Variants in GTF3C1 observed in about 807,000 individuals in gnomAD.
GTF3C1 encodes the protein general transcription factor IIIC subunit 1, also known as general transcription factor 3C polypeptide 1.
In GTF3C1, 57 loss-of-function variants were observed where a neutral mutation model predicts 226.7. The observed-to-expected ratio is 0.25, with a 90% CI of 0.20 to 0.31. The LOEUF is 0.31. Ranked by LOEUF, GTF3C1 falls within the 10% of genes least tolerant of loss-of-function variation. GTF3C1 has a pLI of 1.00. For synonymous variants in GTF3C1, 1,090 were observed against 1,084.8 expected (o/e 1.00, Z -0.09); for missense variants, 2,217 against 2,776.1 (o/e 0.80, Z 4.53).
intron 6 of GTF3C1, among the ~76,000 whole-genome samples, chr16:27,522,213 C>G (rs776374822): frequency 5.9e-5 from 9 of 152,236 alleles, no homozygotes; most frequent in Non-Finnish European, 8.8e-5. Context: ...CATCACCAAT[C>G]AATTCTAGAA....
At chr16:27,528,477 T>A (rs2088866097) in intron 6 of GTF3C1, 121 bp downstream of exon 6, 1 of 803,168 alleles carries the variant, frequency 1.2e-6, no homozygotes, top group African/African-American at 1.7e-5. Flanking sequence ...CAGAGTTAAA[T>A]AAATATGTGA....
In GTF3C1 at chr16:27,545,323, G is replaced by C. The variant is rs1313445777; in HGVS notation, c.422C>G (p.Ala141Gly). ...GGTGCAAAATAGTTACCTGTCAAAG[G>C]CTTCCACCATTGTACAGCGAGGCTG... ...SLQPRCTMVE[A>G]FDRWGKKLII... Residue 141 changes from alanine (A) to glycine (G), a missense_variant, in exon 2 of 37, where the codon GCC becomes GGC. Ala to Gly is a moderately conservative substitution (Grantham distance 60, BLOSUM62 0). Coordinates refer to ENST00000356183, the MANE Select transcript of GTF3C1 (RefSeq NM_001520.4). The C allele has an allele frequency of 6.8e-6, 11 of 1,610,786 alleles. No individual in the cohort carries two copies. The highest frequency in any genetic ancestry group is 2.2e-5 in the South Asian group (2 of 91,028).
chr16:27,470,638 A>G lies in GTF3C1; in HGVS notation c.4527-243T>C. 2.0e-6 allele frequency: 1 copy of G among 511,388 alleles called. No homozygotes were observed. Among genetic ancestry groups the G allele is most frequent in the Non-Finnish European group, 3.5e-6 (1 of 283,622 alleles). 31.7% of individuals were successfully genotyped at this position (511,388 alleles called of 1,614,324 possible). ...AGAGTCCTGTCTCCTCATCTAATTC[A>G]ATGTGGCCTCACCTGGCGCTCCAGG... On this transcript the variant is annotated intron_variant, in intron 30 of 36. Transcript: ENST00000356183. The surrounding 1 kb of genome is among the most constrained non-coding windows in gnomAD (Gnocchi z 4.9).
chr16:27,464,391 TCACCGA>T lies in GTF3C1; in HGVS notation c.5795_5800del (p.Val1932_Gly1933del). 1 of 1,594,776 alleles carries T rather than the reference TCACCGA, an allele frequency of 6.3e-7. No individual in the cohort carries two copies. ...CTGCTCTTGGCCTGGGGAACTGAAC[TCACCGA>T]CACCCTCTTGGTCTTCCTGTGCTGC... On this transcript the variant is annotated inframe_deletion, in exon 34 of 37. Coordinates refer to ENST00000356183, the MANE Select transcript of GTF3C1 (RefSeq NM_001520.4).
chr16:27,546,009 C>T (rs1011560190), intron 1 of GTF3C1, among the ~76,000 whole-genome samples: 9 of 152,008 alleles, frequency 5.9e-5, no homozygotes, highest in South Asian at 4.1e-4. Flanking sequence ...CCACCACGCC[C>T]GGCTAATTTT....
At chr16:27,516,113 A>C (rs1200671639) in intron 6 of GTF3C1, among the ~76,000 whole-genome samples, 1 of 152,204 alleles carries the variant, frequency 6.6e-6, no homozygotes, top group African/African-American at 2.4e-5. Context: ...TACAAACATC[A>C]GTGGCATTCA....
rs768116676 is a variant in GTF3C1 at position 27,497,825 on chromosome 16, C to T, written c.2166-4G>A. On this transcript the variant is annotated splice_region_variant and splice_polypyrimidine_tract_variant and intron_variant, in intron 13 of 36. Transcript: ENST00000356183. ...TGGAGGCTGGGAAGTTTTAACCCTG[C>T]AGTTCAAATAAACATGCAATAATGT... is the stretch of plus-strand genomic sequence containing the variant. The T allele has an allele frequency of 2.7e-4, 429 of 1,607,456 alleles. No homozygotes were observed. Among genetic ancestry groups the T allele is most frequent in the Non-Finnish European group, 3.4e-4 (398 of 1,176,320 alleles).
chr16:27,530,241 TAC>T, intron 5 of GTF3C1, among the ~76,000 whole-genome samples: 1 of 152,244 alleles, frequency 6.6e-6, no homozygotes, highest in South Asian at 2.1e-4. Flanking sequence ...ATCAAAACAA[TAC>T]AGATGACTCA....
chr16:27,526,265 G>A (rs2088833206), intron 6 of GTF3C1, among the ~76,000 whole-genome samples: 1 of 152,220 alleles, frequency 6.6e-6, no homozygotes, highest in Non-Finnish European at 1.5e-5. Context: ...AGCTACTGGA[G>A]GATGCACATC....
In GTF3C1 at chr16:27,461,397, G is replaced by A. The variant is rs151280922; in HGVS notation, c.6283C>T (p.Arg2095Cys). 3.7e-6 allele frequency: 6 copies of A among 1,613,770 alleles called. No homozygotes were observed. The highest frequency in any genetic ancestry group is 2.2e-5 in the East Asian group (1 of 44,864). Residue 2095 changes from arginine (R) to cysteine (C), a missense_variant, in exon 37 of 37, where the codon CGT (arginine) becomes TGT (cysteine). Arg to Cys is a radical substitution (Grantham distance 180). Transcript: ENST00000356183. The surrounding 1 kb of genome is among the most constrained non-coding windows in gnomAD (Gnocchi z 5.3). ...CAGTTGACCTCGTGGGGGAACACAC[G>A]GCCCAGCCGGAGGGTACAGTCCAAG... is the stretch of plus-strand genomic sequence containing the variant. ...PTLDCTLRLG[R>C]VFPHEVNWNK... is the part of the protein sequence containing the mutation.
At chr16:27,491,594 G>C (rs780484572) in intron 19 of GTF3C1, among the ~76,000 whole-genome samples, 26 of 152,088 alleles carry the variant, frequency 1.7e-4, no homozygotes, top group Non-Finnish European at 3.7e-4. Context: ...GTGTGGGAGG[G>C]AGGGTCCTTC....
Position 27,470,872 on chromosome 16 carries a change from G to A in GTF3C1, c.4527-477C>T, listed in dbSNP as rs2087856859. Among the ~76,000 whole-genome samples, 1 of 152,262 alleles carries A rather than the reference G, an allele frequency of 6.6e-6. No individual in the cohort carries two copies. The highest frequency in any genetic ancestry group is 6.5e-5 in the Admixed American group (1 of 15,284). ...TTCCATGACCCTGCTACCAGGGTCA[G>A]AGGGAGGGACCAAAAAGGCCTTCCT... On this transcript the variant is annotated intron_variant, in intron 30 of 36. Coordinates refer to ENST00000356183, the MANE Select transcript of GTF3C1 (RefSeq NM_001520.4). The surrounding 1 kb of genome is among the most constrained non-coding windows in gnomAD (Gnocchi z 4.9).
chr16:27,527,066 G>A (rs1460831805), intron 6 of GTF3C1, among the ~76,000 whole-genome samples: 2 of 152,222 alleles, frequency 1.3e-5, no homozygotes, highest in Non-Finnish European at 2.9e-5. Context: ...AATTAGCCCA[G>A]CATGGTAGGG....
chr16:27,497,512 C>T, intron 14 of GTF3C1, 125 bp downstream of exon 14: 1 of 718,890 alleles, frequency 1.4e-6, no homozygotes, highest in South Asian at 1.8e-5. Flanking sequence ...ATCCAGCCCA[C>T]AGCTCAGACG....
chr16:27,464,261 C>A (rs760438020), intron 34 of GTF3C1, 59 bp downstream of exon 34: 9 of 1,058,088 alleles, frequency 8.5e-6, no homozygotes, highest in East Asian at 6.4e-5. Context: ...CCCATCAGGG[C>A]GGAGGGGAGG....
intron 27 of GTF3C1, chr16:27,480,807 A>C (rs1596621667): frequency 2.4e-6 from 1 of 418,374 alleles, no homozygotes; most frequent in East Asian, 4.4e-5. Context: ...ATTTCCTCAA[A>C]GGTAAAGTAA....
Position 27,463,301 on chromosome 16 carries a change from C to T in GTF3C1, c.5924+240G>A. ...ACCAGGCATGGTTCTCCACCAGCGCCCTGGGCATTCTGGAAGCGCAGCCCT... is the reference window on the plus strand; with the variant it reads ...ACCAGGCATGGTTCTCCACCAGCGCTCTGGGCATTCTGGAAGCGCAGCCCT... On this transcript the variant is annotated intron_variant, in intron 35 of 36. Coordinates refer to ENST00000356183, the MANE Select transcript of GTF3C1 (RefSeq NM_001520.4). The surrounding 1 kb of genome is among the most constrained non-coding windows in gnomAD (Gnocchi z 4.9). The T allele has an allele frequency of 3.6e-6, 2 of 553,692 alleles. No individual in the cohort carries two copies. Among genetic ancestry groups the T allele is most frequent in the Non-Finnish European group, 6.4e-6 (2 of 313,514 alleles). 34.3% of individuals were successfully genotyped at this position (553,692 alleles called of 1,614,324 possible).
chr16:27,464,644 G>A lies in GTF3C1; in HGVS notation c.5548C>T (p.Gln1850Ter). Residue 1850 changes from glutamine to a stop codon, truncating the protein, a stop_gained, in exon 34 of 37, where the codon CAG (glutamine) becomes TAG (stop). Coordinates refer to ENST00000356183, the MANE Select transcript of GTF3C1 (RefSeq NM_001520.4). LOFTEE classifies it high-confidence loss of function. ...SSSEDSPPEG[Q>*]APPSHSPRGT... ...CGGGGGCTGTGAGAAGGAGGTGCCT[G>A]CCCCTCGGGGGGGCTGTCCTCACTG... 6.6e-7 allele frequency: 1 copy of A among 1,516,532 alleles called. No homozygotes were observed. 93.9% of individuals were successfully genotyped at this position (1,516,532 alleles called of 1,614,324 possible).
intron 28 of GTF3C1, 76 bp downstream of exon 28, chr16:27,478,393 A>G: frequency 9.8e-7 from 1 of 1,018,322 alleles, no homozygotes; most frequent in Non-Finnish European, 1.6e-6. Context: ...GCCCTAGATT[A>G]CCCCAGTGCA....
Sources: gnomAD v4.1 joint callset for allele counts (sites outside exome capture counted in the v4.1 genomes callset) on GRCh38, gnomAD v4.1.1 for gene constraint, Gnocchi (gnomAD v3.1) non-coding constraint, MANE v1.5 for transcripts, NCBI Gene and HGNC (gene_info 2026-07-23, HGNC 2026-07-21) for gene names.